The following IGF2BP3 variants were observed in gnomAD, a reference collection of about 807,000 sequenced individuals.
IGF2BP3 encodes the protein insulin-like growth factor 2 mRNA-binding protein 3.
IGF2BP3 carries 9 observed loss-of-function variants against 73.8 expected under a neutral mutation model. The ratio of observed to expected loss-of-function variants is 0.12; its 90% CI spans 0.07 to 0.21. The LOEUF is 0.21. Among genes scored for constraint, IGF2BP3 ranks in the 10% least tolerant of loss-of-function variants. The pLI is 1.00. For missense variants in IGF2BP3, 542 were observed against 714.0 expected, an observed-to-expected ratio of 0.76 and a Z score of 2.75; for synonymous variants, 258 against 256.7, an observed-to-expected ratio of 1.01 and a Z score of -0.05.
chr7:23,406,580 G>A (rs369619396), intron 3 of IGF2BP3, among the ~76,000 whole-genome samples: 1 of 152,108 alleles, frequency 6.6e-6, no homozygotes, highest in African/African-American at 2.4e-5. Context: ...AGCTCTTAAA[G>A]GTAGTGTGGA....
chr7:23,339,532 C>T (rs566174702), intron 10 of IGF2BP3, among the ~76,000 whole-genome samples: 43 of 152,196 alleles, frequency 2.8e-4, no homozygotes, highest in African/African-American at 9.6e-4. Flanking sequence ...CTGAAGCATC[C>T]ATGTAAGTGT....
chr7:23,431,479 G>C (rs1430113462), intron 2 of IGF2BP3, among the ~76,000 whole-genome samples: 2 of 151,986 alleles, frequency 1.3e-5, no homozygotes, highest in African/African-American at 4.8e-5. Context: ...CATAACTTAG[G>C]AGTAACACAG....
intron 2 of IGF2BP3, among the ~76,000 whole-genome samples, chr7:23,432,022 C>T (rs1231241940): frequency 6.6e-6 from 1 of 152,238 alleles, no homozygotes; most frequent in Non-Finnish European, 1.5e-5. Context: ...AGTCTCTTTA[C>T]ATCACAGTTC....
chr7:23,333,715 G>A (rs1784497203), intron 10 of IGF2BP3, among the ~76,000 whole-genome samples: 1 of 152,200 alleles, frequency 6.6e-6, no homozygotes, highest in African/African-American at 2.4e-5. Context: ...TTGTCAAATA[G>A]AAGCAGCAGA....
chr7:23,408,611 T>TAA (rs891796052), intron 3 of IGF2BP3, among the ~76,000 whole-genome samples: 2 of 152,192 alleles, frequency 1.3e-5, no homozygotes, highest in East Asian at 1.9e-4. Context: ...CTGAAATAAT[T>TAA]AAAAACATAA....
chr7:23,392,726 C>G (rs1284741459), intron 3 of IGF2BP3, among the ~76,000 whole-genome samples: 2 of 152,022 alleles, frequency 1.3e-5, no homozygotes, highest in Non-Finnish European at 2.9e-5. Flanking sequence ...ACTTCCCAGG[C>G]TCAAGGGATA....
chr7:23,382,379 T>G (rs751448648), intron 3 of IGF2BP3, among the ~76,000 whole-genome samples: 1 of 152,160 alleles, frequency 6.6e-6, no homozygotes, highest in Non-Finnish European at 1.5e-5. Flanking sequence ...AAAATGAAAT[T>G]TGATCTTACC....
intron 3 of IGF2BP3, among the ~76,000 whole-genome samples, chr7:23,371,686 T>G (rs1281150808): frequency 6.6e-6 from 1 of 152,224 alleles, no homozygotes; most frequent in Non-Finnish European, 1.5e-5. Flanking sequence ...ATATCCCCTT[T>G]ATCATCGAAA....
chr7:23,465,052 T>C (rs984019018), intron 2 of IGF2BP3, among the ~76,000 whole-genome samples: 1 of 152,196 alleles, frequency 6.6e-6, no homozygotes. Flanking sequence ...GTCAGCAATT[T>C]TCCTCTTCCC....
intron 3 of IGF2BP3, among the ~76,000 whole-genome samples, chr7:23,362,065 A>G (rs1460392872): frequency 6.6e-6 from 1 of 152,180 alleles, no homozygotes; most frequent in Non-Finnish European, 1.5e-5. Flanking sequence ...ACACAAACAC[A>G]TCATCATACT....
At chr7:23,414,179 A>G (rs1420148578) in intron 3 of IGF2BP3, 1 of 152,090 alleles carries the variant, frequency 6.6e-6, no homozygotes, top group Non-Finnish European at 1.5e-5. Context: ...GTCTCCCAGT[A>G]TCTTCATCTG....
chr7:23,362,139 C>T (rs1040357551), intron 3 of IGF2BP3, among the ~76,000 whole-genome samples: 5 of 152,140 alleles, frequency 3.3e-5, no homozygotes, highest in African/African-American at 4.8e-5. Context: ...TAACAGGGCG[C>T]GGTGGCTCGC....
chr7:23,470,029 G>C lies in IGF2BP3; in HGVS notation c.82C>G (p.Pro28Ala), dbSNP rs1009078893. Residue 28 changes from proline to alanine, a missense_variant, in exon 1 of 15, where the codon CCG (proline) becomes GCG (alanine). Pro to Ala is a conservative substitution (Grantham distance 27). This residue lies in a region of IGF2BP3 where 239 missense variants were observed against 241.9 expected (regional missense o/e 0.99). Coordinates refer to ENST00000258729, the MANE Select transcript of IGF2BP3 (RefSeq NM_006547.3). ...LESIFKDAKIPVSGPFLVKTG... is the reference protein window; with the variant it reads ...LESIFKDAKIAVSGPFLVKTG... ...TTCACCAGGAAGGGTCCCGACACCG[G>C]GATCTTGGCGTCCTTGAAGATACTT... The C allele has an allele frequency of 1.2e-6, 2 of 1,612,640 alleles. No homozygotes were observed. The highest frequency in any genetic ancestry group is 1.7e-6 in the Non-Finnish European group (2 of 1,179,712).
chr7:23,369,394 T>C (rs1311340874), intron 3 of IGF2BP3, among the ~76,000 whole-genome samples: 1 of 152,168 alleles, frequency 6.6e-6, no homozygotes. Flanking sequence ...CATACCTCAT[T>C]ACCCTCTGTC....
At chr7:23,389,194 T>G (rs1384469939) in intron 3 of IGF2BP3, among the ~76,000 whole-genome samples, 1 of 151,336 alleles carries the variant, frequency 6.6e-6, no homozygotes, top group Non-Finnish European at 1.5e-5. Context: ...AGAGTCTCAC[T>G]CTGTCGCCCA....
At chr7:23,372,177 C>T (rs1242939880) in intron 3 of IGF2BP3, among the ~76,000 whole-genome samples, 1 of 151,884 alleles carries the variant, frequency 6.6e-6, no homozygotes, top group African/African-American at 2.4e-5. Flanking sequence ...GGGGTTCAAG[C>T]GATTCTTCTG....
intron 10 of IGF2BP3, among the ~76,000 whole-genome samples, chr7:23,325,720 C>G (rs1447377458): frequency 1.3e-5 from 2 of 152,176 alleles, no homozygotes; most frequent in African/African-American, 4.8e-5. Flanking sequence ...GGTACCAAAA[C>G]AGAGATATAG....
chr7:23,396,880 C>T (rs186086064), intron 3 of IGF2BP3, among the ~76,000 whole-genome samples: 181 of 152,236 alleles, frequency 1.2e-3, no homozygotes, highest in South Asian at 8.9e-3. Flanking sequence ...TGCAGCAGGG[C>T]GAGGCACTTG....
intron 2 of IGF2BP3, among the ~76,000 whole-genome samples, chr7:23,463,656 G>A (rs998996207): frequency 3.3e-5 from 5 of 152,196 alleles, no homozygotes; most frequent in African/African-American, 1.2e-4. Flanking sequence ...CAGAAGCCAA[G>A]ATTCTCGATT....
Sources: allele counts gnomAD v4.1 joint callset (sites outside exome capture counted in the v4.1 genomes callset), GRCh38; gene constraint gnomAD v4.1.1; regional missense constraint gnomAD v4.1.1; transcripts MANE v1.5; gene names NCBI Gene and HGNC (gene_info 2026-07-23, HGNC 2026-07-21).